The following CAPN12 variants were observed in gnomAD, a reference collection of about 807,000 sequenced individuals.
CAPN12 encodes the protein calpain-12.
In CAPN12, 107 loss-of-function variants were observed where a neutral mutation model predicts 95.0. The ratio of observed to expected loss-of-function variants is 1.13; its 90% CI spans 0.96 to 1.32. The LOEUF is 1.32. CAPN12 is among the 40% of genes most tolerant of loss of function. CAPN12 has a pLI of 0.00. For synonymous variants in CAPN12, 505 were observed against 415.5 expected (o/e 1.22, Z -2.62); for missense variants, 1,136 against 997.8 (o/e 1.14, Z -1.87).
At position 38,744,116 on chromosome 19, in the gene CAPN12, GC is replaced by G; in HGVS notation, c.49del (p.Ala17LeufsTer57). On this transcript the variant is annotated frameshift_variant, in exon 1 of 21. Transcript: ENST00000328867. LOFTEE classifies it high-confidence loss of function. ...RVTIQLVDEE[A>X]GVGAGRLQLF... ...CTGCAGGCGCCCGGCTCCGACCCCA[GC>G]CTCCTCATCCACGAGCTGGATGGTG... 1 of 1,614,144 alleles carries G rather than the reference GC, an allele frequency of 6.2e-7. No homozygotes were observed. The highest frequency in any genetic ancestry group is 8.5e-7 in the Non-Finnish European group (1 of 1,180,038).
At chr19:38,743,169 G>A (rs748927632) in intron 1 of CAPN12, 67 bp from the exon 2 acceptor site, 3 of 1,583,746 alleles carry the variant, frequency 1.9e-6, no homozygotes, top group Non-Finnish European at 2.6e-6. Flanking sequence ...CCAGAGGAGT[G>A]AGGGCCTCCA....
intron 10 of CAPN12, chr19:38,736,849 C>T: frequency 1.7e-6 from 1 of 591,256 alleles, no homozygotes; most frequent in East Asian, 2.8e-5. Context: ...CTGTCTGTCC[C>T]TGAGCCCCTC....
Position 38,737,292 on chromosome 19 carries a change from G to GC in CAPN12, c.1225dup (p.Ala409GlyfsTer106), listed in dbSNP as rs1341489183. Reference sequence around the variant, plus strand: ...CCGCGCTGGGCCCCGTGCCCCTGCAGCCCCCCAGCCCCCCCAGGGCCCTTC... The same window carrying GC: ...CCGCGCTGGGCCCCGTGCCCCTGCAGCCCCCCCAGCCCCCCCAGGGCCCTTC... On this transcript the variant is annotated frameshift_variant, in exon 10 of 21. Coordinates refer to ENST00000328867, the MANE Select transcript of CAPN12 (RefSeq NM_144691.4). LOFTEE classifies it high-confidence loss of function. 5 of 1,422,238 alleles carry GC rather than the reference G, an allele frequency of 3.5e-6. No individual in the cohort carries two copies. The highest frequency in any genetic ancestry group is 1.7e-5 in the African/African-American group (1 of 57,182). The allele number at this position is 1,422,238 out of a possible 1,614,324, so 88.1% of individuals were successfully genotyped here. A position where few individuals can be genotyped will look rare whatever the true frequency, so the allele number is the denominator to read the frequency against.
chr19:38,743,142 G>A, intron 1 of CAPN12, 40 bp from the exon 2 acceptor site: 3 of 1,611,396 alleles, frequency 1.9e-6, no homozygotes, highest in Non-Finnish European at 2.5e-6. Flanking sequence ...GCCTGAGAAA[G>A]CGAGGAAAGG....
chr19:38,732,914 C>G (rs1334622652), intron 18 of CAPN12, among the ~76,000 whole-genome samples: 1 of 152,226 alleles, frequency 6.6e-6, no homozygotes, highest in Non-Finnish European at 1.5e-5. Flanking sequence ...AAGCCTTTCT[C>G]TCTGGCTCTC....
At chr19:38,743,669 TCCTCC>T (rs1460977400) in intron 1 of CAPN12, among the ~76,000 whole-genome samples, 3 of 118,948 alleles carry the variant, frequency 2.5e-5, no homozygotes, top group Middle Eastern at 6.3e-3. Context: ...CCAAGCCCCC[TCCTCC>T]CTCAGACCCA....
intron 18 of CAPN12, chr19:38,733,388 G>A (rs12986121): frequency 0.058 from 19,992 of 347,538 alleles, 703 homozygotes; most frequent in South Asian, 0.093. Flanking sequence ...ATGCTGCCCT[G>A]GGGGCCAGAC....
chr19:38,739,448 CAAAAAAAAAAAA>C (rs34076220), intron 5 of CAPN12: 2,883 of 51,148 alleles, frequency 0.056, 75 homozygotes, highest in Middle Eastern at 0.15. Context: ...GATTCCGTCT[CAAAAAAAAAAAA>C]AAAAAAAAAA....
At chr19:38,739,485 A>T (rs910727922) in intron 5 of CAPN12, 3 of 138,894 alleles carry the variant, frequency 2.2e-5, no homozygotes, top group African/African-American at 7.8e-5. Flanking sequence ...TGGAAAGAGT[A>T]GAGAGACAGA....
intron 4 of CAPN12, among the ~76,000 whole-genome samples, chr19:38,741,112 G>C (rs1397767096): frequency 6.6e-6 from 1 of 152,080 alleles, no homozygotes; most frequent in East Asian, 1.9e-4. Flanking sequence ...TTTCTCAATG[G>C]ACCAGGAGAG....
chr19:38,742,964 G>T, intron 2 of CAPN12, 69 bp downstream of exon 2: 1 of 1,489,368 alleles, frequency 6.7e-7, no homozygotes, highest in East Asian at 2.3e-5. Flanking sequence ...TGGACAAAGG[G>T]ATGGAGCTGT....
At position 38,734,341 on chromosome 19, in the gene CAPN12, T is replaced by TC; in HGVS notation, c.1792dup (p.Glu598GlyfsTer33). 1 of 1,608,038 alleles carries TC rather than the reference T, an allele frequency of 6.2e-7. No homozygotes were observed. Among genetic ancestry groups the TC allele is most frequent in the Non-Finnish European group, 8.5e-7 (1 of 1,176,880 alleles). ...TACCCCGAAACACTGCAGCAGCTGC[T>TC]CACAGGTCCTGAGCCCGATCTCTCT... is the stretch of plus-strand genomic sequence containing the variant. On this transcript the variant is annotated frameshift_variant, in exon 16 of 21. Transcript: ENST00000328867. LOFTEE classifies it high-confidence loss of function.
At chr19:38,743,553 G>GC (rs1970704361) in intron 1 of CAPN12, among the ~76,000 whole-genome samples, 1 of 108,990 alleles carries the variant, frequency 9.2e-6, no homozygotes, top group Non-Finnish European at 1.9e-5. Flanking sequence ...TCCAGGTCCA[G>GC]CCCCTCCTCC....
intron 17 of CAPN12, 46 bp downstream of exon 17, chr19:38,734,096 T>C: frequency 2.5e-6 from 4 of 1,605,690 alleles, no homozygotes; most frequent in Non-Finnish European, 3.4e-6. Context: ...TCTCTGTTAG[T>C]AAAGGTTTCT....
rs1485858434 is a variant in CAPN12, at chr19:38,736,329, G to A, written c.1375-11C>T. On this transcript the variant is annotated splice_polypyrimidine_tract_variant and intron_variant, in intron 11 of 20. Transcript: ENST00000328867. ...CCAGAGGCCCAGCAGCTGGGGACGGGGCGGCATGACCACGGACCAGGCTCA... is the reference window on the plus strand; with the variant it reads ...CCAGAGGCCCAGCAGCTGGGGACGGAGCGGCATGACCACGGACCAGGCTCA... 9 of 1,449,712 alleles carry A rather than the reference G, an allele frequency of 6.2e-6. No individual in the cohort carries two copies. The African/African-American group carries it at 1.0e-4, about 17-fold the overall frequency. The allele number at this position is 1,449,712 out of a possible 1,614,324, so 89.8% of individuals were successfully genotyped here.
chr19:38,731,406 T>G (rs1422399180), intron 18 of CAPN12, 183 bp from the exon 19 acceptor site: 1 of 621,908 alleles, frequency 1.6e-6, no homozygotes, highest in African/African-American at 1.8e-5. Context: ...TCCTCATCCA[T>G]CAAACGGACT....
chr19:38,735,437 A>T lies in CAPN12; in HGVS notation c.1627-8T>A. 1 of 1,610,714 alleles carries T rather than the reference A, an allele frequency of 6.2e-7. No individual in the cohort carries two copies. The highest frequency in any genetic ancestry group is 8.5e-7 in the Non-Finnish European group (1 of 1,179,004). The stretch of plus-strand genomic sequence containing the variant: ...CAGGGGCAGGTAGGGGCCCTGCCGC[A>T]TGGCGGAAGTTTAGCGCTGGCCAAG... On this transcript the variant is annotated splice_polypyrimidine_tract_variant and splice_region_variant and intron_variant, in intron 13 of 20. Coordinates refer to ENST00000328867, the MANE Select transcript of CAPN12 (RefSeq NM_144691.4).
rs973992065 is a variant in CAPN12, at chr19:38,736,254, C to A, written c.1439G>T (p.Arg480Leu). The stretch of plus-strand genomic sequence containing the variant: ...GTCGCGGCGGGCGCTGAGGGGCGAG[C>A]GGTCGGCGCGCAGCAGCCGGGGCAG... ...ALLPRLLRADRSPLSARRDVT... is the reference protein window; with the variant it reads ...ALLPRLLRADLSPLSARRDVT... The change falls in exon 12 of 21, where the codon CGC becomes CTC. Residue 480 changes from arginine (R) to leucine (L), a missense_variant. Physicochemically the swap from Arg to Leu is moderately radical, Grantham distance 102 (BLOSUM62 -2). Coordinates refer to ENST00000328867, the MANE Select transcript of CAPN12 (RefSeq NM_144691.4). 1.9e-4 allele frequency: 282 copies of A among 1,469,096 alleles called. No homozygotes were observed. Among genetic ancestry groups the A allele is most frequent in the Non-Finnish European group, 2.5e-4 (275 of 1,118,678 alleles). 91.0% of individuals were successfully genotyped at this position (1,469,096 alleles called of 1,614,324 possible). A position where few individuals can be genotyped will look rare whatever the true frequency, so the allele number is the denominator to read the frequency against.
rs767883571 is a variant in CAPN12, at chr19:38,737,606, T to C, written c.998A>G (p.Asp333Gly). 1 of 1,609,160 alleles carries C rather than the reference T, an allele frequency of 6.2e-7. No individual in the cohort carries two copies. The highest frequency in any genetic ancestry group is 1.1e-5 in the South Asian group (1 of 90,778). The part of the protein sequence containing the change: ...MELRDFLLHF[D>G]TVQICSLSPE... ...GCTCAGCGAGCAGATCTGCACGGTG[T>C]CGAAATGGAGGAGGAAGTCCCGCAG... The change falls in exon 9 of 21, where the codon GAC (aspartate) becomes GGC (glycine). Residue 333 changes from aspartate (D) to glycine (G), a missense_variant. By Grantham distance (94) the Asp-to-Gly change is moderately conservative. Coordinates refer to ENST00000328867, the MANE Select transcript of CAPN12 (RefSeq NM_144691.4).
Sources: gnomAD v4.1 joint callset for allele counts (sites outside exome capture counted in the v4.1 genomes callset) on GRCh38, gnomAD v4.1.1 for gene constraint, MANE v1.5 for transcripts, NCBI Gene and HGNC (gene_info 2026-07-23, HGNC 2026-07-21) for gene names.